The following TBC1D23 variants were observed in gnomAD, a reference collection of about 807,000 sequenced individuals.
The protein encoded by TBC1D23 is TBC1 domain family member 23.
A neutral mutation model predicts 91.4 loss-of-function variants in TBC1D23; 55 were observed. The ratio of observed to expected loss-of-function variants is 0.60; its 90% CI spans 0.48 to 0.75. The LOEUF (loss-of-function observed/expected upper bound fraction) is 0.75. Among genes scored for constraint, TBC1D23 ranks in the 30% least tolerant of loss-of-function variants. The pLI is 0.00. For synonymous variants in TBC1D23, 289 were observed against 281.0 expected, an observed-to-expected ratio of 1.03 and a Z score of -0.28; for missense variants, 725 against 836.1, an observed-to-expected ratio of 0.87 and a Z score of 1.64.
intron 15 of TBC1D23, 89 bp downstream of exon 15, chr3:100,311,966 C>G: frequency 1.2e-6 from 1 of 846,650 alleles, no homozygotes; most frequent in Admixed American, 2.3e-5. Flanking sequence ...TGTCTTGGCT[C>G]AAATTTCATG....
chr3:100,270,722 A>G (rs1205817876), intron 1 of TBC1D23, among the ~76,000 whole-genome samples: 1 of 152,198 alleles, frequency 6.6e-6, no homozygotes, highest in Non-Finnish European at 1.5e-5. Context: ...AATAGAAATA[A>G]CATATTTAAG....
rs1419395474 is a variant in TBC1D23, at chr3:100,311,892, A to G, written c.1598+15A>G. Reference sequence around the variant, plus strand: ...TGTACAGAGCGGTAAGCCAATGAGTAGAGCATTTTTCTTGAACCATCCTTT... The same window carrying G: ...TGTACAGAGCGGTAAGCCAATGAGTGGAGCATTTTTCTTGAACCATCCTTT... On this transcript the variant is annotated intron_variant, in intron 15 of 18. Coordinates refer to ENST00000394144, the MANE Select transcript of TBC1D23 (RefSeq NM_001199198.3). The G allele has an allele frequency of 2.0e-6, 3 of 1,524,316 alleles. No homozygotes were observed. Among genetic ancestry groups the G allele is most frequent in the East Asian group, 4.9e-5 (2 of 40,842 alleles). 94.4% of individuals were successfully genotyped at this position (1,524,316 alleles called of 1,614,324 possible).
At chr3:100,290,031 A>C (rs2067776128) in intron 4 of TBC1D23, among the ~76,000 whole-genome samples, 4 of 152,208 alleles carry the variant, frequency 2.6e-5, no homozygotes, top group Non-Finnish European at 5.9e-5. Context: ...CCTTAGAAGT[A>C]GGACAGTTAT....
At chr3:100,281,353 CAG>C (rs1204145669) in intron 2 of TBC1D23, among the ~76,000 whole-genome samples, 1 of 152,082 alleles carries the variant, frequency 6.6e-6, no homozygotes, top group African/African-American at 2.4e-5. Context: ...CCTTACAAAA[CAG>C]TGAAAACATT....
intron 18 of TBC1D23, among the ~76,000 whole-genome samples, chr3:100,323,233 T>C (rs1025488779): frequency 2.0e-5 from 3 of 152,230 alleles, no homozygotes; most frequent in African/African-American, 7.2e-5. Flanking sequence ...TGTGTGATTT[T>C]TGTAGCTAAT....
At chr3:100,275,567 C>A (rs888137930) in intron 1 of TBC1D23, among the ~76,000 whole-genome samples, 3 of 152,156 alleles carry the variant, frequency 2.0e-5, no homozygotes, top group Non-Finnish European at 4.4e-5. Context: ...TAAGCTACTG[C>A]CCCTGGCCTG....
At position 100,283,893 on chromosome 3, in the gene TBC1D23, T is replaced by C. The variant is rs372561269; in HGVS notation, c.476+82T>C. 231 of 764,890 alleles carry C rather than the reference T, an allele frequency of 3.0e-4. No homozygotes were observed. In the African/African-American group the frequency reaches 3.3e-3, roughly 11 times the overall value. The allele number at this position is 764,890 out of a possible 1,614,324, so 47.4% of individuals were successfully genotyped here. A position where few individuals can be genotyped will look rare whatever the true frequency, so the allele number is the denominator to read the frequency against. ...TTGAGCTAAAGTTGCTAGATTTACTTTGGCGGTAAAGTAAAAGGTTCAAAT... is the reference window on the plus strand; with the variant it reads ...TTGAGCTAAAGTTGCTAGATTTACTCTGGCGGTAAAGTAAAAGGTTCAAAT... On this transcript the variant is annotated intron_variant, in intron 4 of 18. Coordinates refer to ENST00000394144, the MANE Select transcript of TBC1D23 (RefSeq NM_001199198.3).
intron 18 of TBC1D23, among the ~76,000 whole-genome samples, 163 bp downstream of exon 18, chr3:100,321,134 A>G (rs1705851577): frequency 6.6e-6 from 1 of 152,114 alleles, no homozygotes; most frequent in African/African-American, 2.4e-5. Context: ...GTCCTTAGTC[A>G]TGTGTGGTTT....
At chr3:100,309,912 A>G (rs536193536) in intron 13 of TBC1D23, among the ~76,000 whole-genome samples, 1 of 152,182 alleles carries the variant, frequency 6.6e-6, no homozygotes, top group African/African-American at 2.4e-5. Flanking sequence ...CCCAGCATCT[A>G]CCTTCTATTC....
intron 4 of TBC1D23, among the ~76,000 whole-genome samples, chr3:100,286,255 G>A (rs1474625839): frequency 6.6e-6 from 1 of 152,172 alleles, no homozygotes; most frequent in Non-Finnish European, 1.5e-5. Context: ...TGCTCTAACA[G>A]CTAGCAATAG....
At chr3:100,297,396 T>C (rs1705319158) in intron 8 of TBC1D23, among the ~76,000 whole-genome samples, 1 of 152,192 alleles carries the variant, frequency 6.6e-6, no homozygotes, top group Non-Finnish European at 1.5e-5. Flanking sequence ...ATAGAACTCT[T>C]CAGTTCCTAA....
At chr3:100,287,757 T>G (rs547831154) in intron 4 of TBC1D23, among the ~76,000 whole-genome samples, 5 of 152,306 alleles carry the variant, frequency 3.3e-5, no homozygotes, top group Admixed American at 2.6e-4. Flanking sequence ...ATTATTTTTA[T>G]TTTTCCCTTT....
intron 1 of TBC1D23, among the ~76,000 whole-genome samples, chr3:100,266,257 T>C (rs1425376114): frequency 1.3e-5 from 2 of 152,150 alleles, no homozygotes; most frequent in African/African-American, 2.4e-5. Flanking sequence ...ATTTAGATTT[T>C]AGAGTTTTTA....
intron 13 of TBC1D23, among the ~76,000 whole-genome samples, chr3:100,308,827 GAATT>G (rs1440422163): frequency 6.6e-6 from 1 of 152,120 alleles, no homozygotes; most frequent in Non-Finnish European, 1.5e-5. Flanking sequence ...TTCTAAAGAG[GAATT>G]AATTGGCAGA....
intron 1 of TBC1D23, chr3:100,261,364 A>G (rs2067509031): frequency 8.8e-6 from 4 of 453,514 alleles, no homozygotes; most frequent in South Asian, 3.0e-5. Flanking sequence ...GGGTGGCTTC[A>G]GGGCTGGGTT....
At chr3:100,279,596 T>A (rs760604796) in intron 1 of TBC1D23, 53 bp from the exon 2 acceptor site, 4 of 1,232,884 alleles carry the variant, frequency 3.2e-6, no homozygotes, top group Non-Finnish European at 4.6e-6. Context: ...GAATCTTGAA[T>A]AAGAAAAAGT....
At chr3:100,278,766 T>G (rs1038001172) in intron 1 of TBC1D23, among the ~76,000 whole-genome samples, 1 of 152,244 alleles carries the variant, frequency 6.6e-6, no homozygotes, top group African/African-American at 2.4e-5. Context: ...TATTTTTACC[T>G]TATACAAATG....
At chr3:100,320,684 C>T in intron 17 of TBC1D23, 93 bp from the exon 18 acceptor site, 1 of 725,028 alleles carries the variant, frequency 1.4e-6, no homozygotes, top group African/African-American at 1.8e-5. Context: ...TAGAGTTGAA[C>T]ATTTCTAATA....
At position 100,323,676 on chromosome 3, in the gene TBC1D23, G is replaced by T; in HGVS notation, c.*8G>T. On this transcript the variant is annotated 3_prime_UTR_variant, in exon 19 of 19. Coordinates refer to ENST00000394144, the MANE Select transcript of TBC1D23 (RefSeq NM_001199198.3). ...GATGCTTTGGAAAGTTAATATAAAA[G>T]AAAATTATATAAAAAGAAATTAAGA... The T allele has an allele frequency of 7.0e-7, 1 of 1,430,624 alleles. No individual in the cohort carries two copies. Among genetic ancestry groups the T allele is most frequent in the Non-Finnish European group, 9.4e-7 (1 of 1,066,210 alleles). 88.6% of individuals were successfully genotyped at this position (1,430,624 alleles called of 1,614,324 possible). A position where few individuals can be genotyped will look rare whatever the true frequency, so the allele number is the denominator to read the frequency against.
Sources: gnomAD v4.1 joint callset for allele counts (sites outside exome capture counted in the v4.1 genomes callset) on GRCh38, gnomAD v4.1.1 for gene constraint, MANE v1.5 for transcripts, NCBI Gene and HGNC (gene_info 2026-07-23, HGNC 2026-07-21) for gene names.